The following NRXN1 variants were observed in gnomAD, a reference collection of about 807,000 sequenced individuals.
NRXN1 encodes neurexin 1.
A neutral mutation model predicts 150.9 loss-of-function variants in NRXN1; 39 were observed. The ratio of observed to expected loss-of-function variants is 0.26; its 90% CI spans 0.20 to 0.34. The LOEUF is 0.34. Among genes scored for constraint, NRXN1 ranks in the 10% least tolerant of loss-of-function variants. The probability of loss-of-function intolerance (pLI) is 1.00; values close to 1 mark genes in which losing one functional copy is unlikely to be tolerated. For missense variants in NRXN1, 1,815 were observed against 1,949.9 expected (o/e 0.93, Z 1.30); for synonymous variants, 924 against 757.0 (o/e 1.22, Z -3.62).
intron 5 of NRXN1, among the ~76,000 whole-genome samples, chr2:50,702,455 T>C (rs1269594523): frequency 1.3e-5 from 2 of 152,148 alleles, no homozygotes; most frequent in Admixed American, 6.5e-5. Context: ...CAGTTCTCTT[T>C]TCCAAGCTTC....
At chr2:50,601,094 G>A (rs2103945136) in intron 8 of NRXN1, among the ~76,000 whole-genome samples, 1 of 151,958 alleles carries the variant, frequency 6.6e-6, no homozygotes, top group Admixed American at 6.6e-5. Flanking sequence ...ATAATAATTT[G>A]GAAGAAGTCA....
At chr2:50,575,295 G>A (rs1671256995) in intron 8 of NRXN1, among the ~76,000 whole-genome samples, 1 of 152,156 alleles carries the variant, frequency 6.6e-6, no homozygotes, top group African/African-American at 2.4e-5. Context: ...TGAAGTTTGT[G>A]TGCATTGCTG....
chr2:50,856,362 G>C (rs1194495016), intron 5 of NRXN1, among the ~76,000 whole-genome samples: 3 of 151,994 alleles, frequency 2.0e-5, no homozygotes, highest in Non-Finnish European at 4.4e-5. Flanking sequence ...GAAAGTCTAA[G>C]GAGACTGCTC....
At chr2:50,257,173 A>G (rs2067783947) in intron 17 of NRXN1, among the ~76,000 whole-genome samples, 1 of 152,092 alleles carries the variant, frequency 6.6e-6, no homozygotes, top group South Asian at 2.1e-4. Context: ...GTCCATGGTC[A>G]CAAAGTAATG....
chr2:50,546,375 A>C (rs913095074), intron 9 of NRXN1, among the ~76,000 whole-genome samples: 1 of 152,120 alleles, frequency 6.6e-6, no homozygotes, highest in Admixed American at 6.6e-5. Context: ...ATGTTAATAC[A>C]TTTAAGTTCT....
chr2:50,401,765 A>G (rs1303873719), intron 17 of NRXN1, among the ~76,000 whole-genome samples: 1 of 152,192 alleles, frequency 6.6e-6, no homozygotes, highest in Admixed American at 6.5e-5. Context: ...TTTTTTACAA[A>G]CAAAACAATT....
intron 5 of NRXN1, among the ~76,000 whole-genome samples, chr2:50,835,221 C>T (rs188008258): frequency 6.6e-6 from 1 of 151,604 alleles, no homozygotes; most frequent in African/African-American, 2.4e-5. Context: ...AGATTGTCTC[C>T]CAAAAAAAAT....
chr2:50,886,065 G>C (rs1251744219), intron 5 of NRXN1, among the ~76,000 whole-genome samples: 1 of 151,320 alleles, frequency 6.6e-6, no homozygotes, highest in African/African-American at 2.4e-5. Context: ...ATTTTTATTT[G>C]ATCATTGTAT....
Position 50,179,084 on chromosome 2 carries a change from G to GA in NRXN1, c.3546+57704dup, listed in dbSNP as rs367677571. On this transcript the variant is annotated intron_variant, in intron 18 of 22. Transcript: ENST00000401669. ...GCAAAACACTTTGTCATCCTAATCAGAAAAGACATTTAAGATAACAACTGG... is the reference window on the plus strand; with the variant it reads ...GCAAAACACTTTGTCATCCTAATCAGAAAAAGACATTTAAGATAACAACTGG... Among the ~76,000 whole-genome samples the GA allele has an allele frequency of 1.1e-4, 17 of 152,212 alleles. 1 individual carries two copies. The highest frequency in any genetic ancestry group is 4.1e-4 in the African/African-American group (17 of 41,554).
intron 18 of NRXN1, among the ~76,000 whole-genome samples, chr2:50,224,482 A>G (rs974598029): frequency 2.6e-5 from 4 of 151,942 alleles, no homozygotes; most frequent in African/African-American, 9.7e-5. Flanking sequence ...CGTTCTTCTG[A>G]CTAAGCCAAA....
chr2:49,960,970 C>A (rs948698547), intron 21 of NRXN1, among the ~76,000 whole-genome samples: 2 of 152,030 alleles, frequency 1.3e-5, no homozygotes, highest in Non-Finnish European at 2.9e-5. Flanking sequence ...TTAACAAATT[C>A]TCTTCAAATT....
chr2:50,754,976 C>T (rs556194549), intron 5 of NRXN1, among the ~76,000 whole-genome samples: 1 of 151,924 alleles, frequency 6.6e-6, no homozygotes, highest in African/African-American at 2.4e-5. Context: ...TTGGGTCTTG[C>T]ACCAGTTAAT....
chr2:50,909,360 T>C (rs1422228188), intron 5 of NRXN1, among the ~76,000 whole-genome samples: 1 of 152,076 alleles, frequency 6.6e-6, no homozygotes, highest in Non-Finnish European at 1.5e-5. Flanking sequence ...CAGAGGAGTT[T>C]GTTTGAATAG....
At chr2:50,278,404 G>A (rs1021292413) in intron 17 of NRXN1, among the ~76,000 whole-genome samples, 3 of 146,760 alleles carry the variant, frequency 2.0e-5, no homozygotes, top group African/African-American at 7.6e-5. Context: ...CGCCCCCCTT[G>A]GCCTCCCAAA....
At chr2:50,909,808 A>C (rs1213756070) in intron 5 of NRXN1, among the ~76,000 whole-genome samples, 1 of 152,042 alleles carries the variant, frequency 6.6e-6, no homozygotes, top group Non-Finnish European at 1.5e-5. Flanking sequence ...AGTTAAAAGC[A>C]AGCTAAGCTT....
At position 51,010,532 on chromosome 2, in the gene NRXN1, T is replaced by C. The variant is rs1322516354; in HGVS notation, c.772+16970A>G. ...ACATTTGGATTTGACTCCATTTACT[T>C]GTTTTCACTATTACAGACAACATGC... On this transcript the variant is annotated intron_variant, in intron 2 of 22. Coordinates refer to ENST00000401669, the MANE Select transcript of NRXN1 (RefSeq NM_001330078.2). Among the ~76,000 whole-genome samples, 3 of 152,150 alleles carry C rather than the reference T, an allele frequency of 2.0e-5. No homozygotes were observed. The East Asian group carries it at 5.8e-4, about 30-fold the overall frequency.
At chr2:50,686,199 T>C (rs935113513) in intron 5 of NRXN1, among the ~76,000 whole-genome samples, 1 of 152,112 alleles carries the variant, frequency 6.6e-6, no homozygotes, top group Non-Finnish European at 1.5e-5. Flanking sequence ...TATATTTAAG[T>C]TGGCTTTTAG....
chr2:50,252,253 C>CTTTTTTTTT (rs2067187876), intron 17 of NRXN1, among the ~76,000 whole-genome samples: 5 of 58,864 alleles, frequency 8.5e-5, no homozygotes, highest in East Asian at 4.9e-4. Flanking sequence ...TTTCTTTTTT[C>CTTTTTTTTT]TTTTCTTTTT....
At chr2:50,759,364 A>C (rs1701531064) in intron 5 of NRXN1, among the ~76,000 whole-genome samples, 1 of 151,900 alleles carries the variant, frequency 6.6e-6, no homozygotes, top group African/African-American at 2.4e-5. Context: ...TATGTTCTTA[A>C]AAAGCCATGT....
Sources: gnomAD v4.1 joint callset for allele counts (sites outside exome capture counted in the v4.1 genomes callset) on GRCh38, gnomAD v4.1.1 for gene constraint, MANE v1.5 for transcripts, NCBI Gene and HGNC (gene_info 2026-07-23, HGNC 2026-07-21) for gene names.